Variants in ARHGAP15 observed in about 807,000 individuals in gnomAD.
ARHGAP15 encodes rho GTPase-activating protein 15.
Under a neutral mutation model 63.7 loss-of-function variants are expected in ARHGAP15, and 51 were observed. The observed-to-expected ratio is 0.80, with a 90% CI of 0.64 to 1.01. The LOEUF is 1.01. Ranked by LOEUF, ARHGAP15 falls within the 50% of genes least tolerant of loss-of-function variation. The pLI, the probability that ARHGAP15 is intolerant of heterozygous loss-of-function variation, is 0.00. For missense variants in ARHGAP15, 560 were observed against 564.6 expected, an observed-to-expected ratio of 0.99 and a Z score of 0.08; for synonymous variants, 191 against 193.8, an observed-to-expected ratio of 0.99 and a Z score of 0.12.
At chr2:143,441,656 A>G (rs1393600697) in intron 8 of ARHGAP15, among the ~76,000 whole-genome samples, 2 of 152,296 alleles carry the variant, frequency 1.3e-5, no homozygotes, top group Admixed American at 6.5e-5. Context: ...TCAATTGCTA[A>G]ACTGTAAAAT....
At chr2:143,347,166 C>T (rs1046859813) in intron 6 of ARHGAP15, among the ~76,000 whole-genome samples, 6 of 152,188 alleles carry the variant, frequency 3.9e-5, no homozygotes, top group South Asian at 4.1e-4. Context: ...TGCTAATTTC[C>T]ATAATTATGC....
Position 143,309,933 on chromosome 2 carries a change from A to T in ARHGAP15, c.474+59333A>T, listed in dbSNP as rs1336749591. Among the ~76,000 whole-genome samples the T allele has an allele frequency of 3.3e-5, 5 of 151,794 alleles. No homozygotes were observed. In the East Asian group the frequency reaches 9.7e-4, roughly 29 times the overall value. ...TGATGATAGATAATAGCTTTGTTGCATATTATTTGCTTTTATTGTACTTTG... is the reference window on the plus strand; with the variant it reads ...TGATGATAGATAATAGCTTTGTTGCTTATTATTTGCTTTTATTGTACTTTG... On this transcript the variant is annotated intron_variant, in intron 6 of 13. Coordinates refer to ENST00000295095, the MANE Select transcript of ARHGAP15 (RefSeq NM_018460.4).
chr2:143,243,330 G>C (rs1448836880), intron 5 of ARHGAP15, among the ~76,000 whole-genome samples: 1 of 152,128 alleles, frequency 6.6e-6, no homozygotes, highest in Non-Finnish European at 1.5e-5. Flanking sequence ...AAAATCAGAA[G>C]TGCAAGAGAC....
intron 2 of ARHGAP15, among the ~76,000 whole-genome samples, chr2:143,175,196 G>A (rs1369799380): frequency 6.6e-6 from 1 of 152,060 alleles, no homozygotes. Flanking sequence ...CTAAACCAAT[G>A]AACTGAGAGT....
chr2:143,656,389 C>T (rs1681434352), intron 12 of ARHGAP15, among the ~76,000 whole-genome samples: 1 of 152,194 alleles, frequency 6.6e-6, no homozygotes, highest in Non-Finnish European at 1.5e-5. Context: ...TATCTAAACA[C>T]TTGGGCAGTC....
intron 13 of ARHGAP15, among the ~76,000 whole-genome samples, chr2:143,723,513 A>G (rs1422856924): frequency 6.6e-6 from 1 of 152,208 alleles, no homozygotes; most frequent in Non-Finnish European, 1.5e-5. Flanking sequence ...TATTTTTGAT[A>G]TGAATCTCCA....
rs957065943 is a variant in ARHGAP15, at chr2:143,592,878, G to A, written c.1004-31255G>A. ...TTCTTTTGTGGGGAAAGAACCATTC[G>A]AAGGGAATTGCCTTTGGTTACAAAG... On this transcript the variant is annotated intron_variant, in intron 11 of 13. Transcript: ENST00000295095. Among the ~76,000 whole-genome samples the A allele has an allele frequency of 5.9e-5, 9 of 152,120 alleles. 1 individual carries two copies. Among genetic ancestry groups the A allele is most frequent in the Admixed American group, 2.0e-4 (3 of 15,272 alleles).
At chr2:143,134,735 T>C (rs1319799527) in intron 1 of ARHGAP15, among the ~76,000 whole-genome samples, 3 of 150,818 alleles carry the variant, frequency 2.0e-5, no homozygotes, top group African/African-American at 7.3e-5. Context: ...CCCGGGTTCA[T>C]GCCAGTCTCC....
At chr2:143,223,005 C>T (rs1558823647) in intron 4 of ARHGAP15, among the ~76,000 whole-genome samples, 1 of 152,036 alleles carries the variant, frequency 6.6e-6, no homozygotes, top group Non-Finnish European at 1.5e-5. Flanking sequence ...GAGACTGAGT[C>T]TCGCTCTGTC....
chr2:143,647,681 C>T (rs999702720), intron 12 of ARHGAP15, among the ~76,000 whole-genome samples: 1 of 152,104 alleles, frequency 6.6e-6, no homozygotes, highest in East Asian at 1.9e-4. Context: ...TAATTCTGTA[C>T]TTATTCTGTC....
chr2:143,179,844 A>T (rs2105066517), intron 2 of ARHGAP15, among the ~76,000 whole-genome samples: 1 of 151,496 alleles, frequency 6.6e-6, no homozygotes, highest in East Asian at 1.9e-4. Context: ...GTAAGCCATG[A>T]TTGCACCACT....
intron 12 of ARHGAP15, among the ~76,000 whole-genome samples, chr2:143,688,896 T>A (rs999160646): frequency 6.6e-6 from 1 of 152,142 alleles, no homozygotes; most frequent in Non-Finnish European, 1.5e-5. Flanking sequence ...ATTTGAAAGT[T>A]TTGCCAGAAT....
intron 13 of ARHGAP15, among the ~76,000 whole-genome samples, chr2:143,711,089 G>T (rs1684561119): frequency 6.6e-6 from 1 of 152,106 alleles, no homozygotes; most frequent in African/African-American, 2.4e-5. Flanking sequence ...ACATCTATTT[G>T]TTTATGTTTT....
chr2:143,165,485 G>A (rs2105031844), intron 2 of ARHGAP15, among the ~76,000 whole-genome samples: 1 of 152,096 alleles, frequency 6.6e-6, no homozygotes, highest in South Asian at 2.1e-4. Flanking sequence ...AGGAAGACAG[G>A]AAAACAAAGT....
intron 12 of ARHGAP15, among the ~76,000 whole-genome samples, chr2:143,651,060 A>G (rs1681138400): frequency 6.6e-6 from 1 of 152,008 alleles, no homozygotes; most frequent in Non-Finnish European, 1.5e-5. Flanking sequence ...ATCAGCAGAA[A>G]AAGTCCACTG....
Position 143,480,136 on chromosome 2 carries a change from G to A in ARHGAP15, c.704-7237G>A, listed in dbSNP as rs138231673. 1.5e-3 allele frequency among the ~76,000 whole-genome samples: 235 copies of A among 152,136 alleles called. 1 individual carries two copies. Among genetic ancestry groups the A allele is most frequent in the African/African-American group, 5.1e-3 (212 of 41,516 alleles). On this transcript the variant is annotated intron_variant, in intron 8 of 13. Transcript: ENST00000295095. ...TGTAGATACACCTAAGATGTATTAC[G>A]AGCAAAATAAAAATACTAAGTCTAT...
chr2:143,689,453 A>C (rs529545611), intron 12 of ARHGAP15, among the ~76,000 whole-genome samples: 101 of 152,288 alleles, frequency 6.6e-4, no homozygotes, highest in African/African-American at 2.4e-3. Flanking sequence ...GAGTTCTTTC[A>C]TAGGTCAAAC....
intron 6 of ARHGAP15, among the ~76,000 whole-genome samples, chr2:143,346,980 C>G (rs545279738): frequency 1.7e-4 from 26 of 152,016 alleles, no homozygotes; most frequent in Non-Finnish European, 2.8e-4. Context: ...ATTCTATTAT[C>G]CCTTTGGTCT....
rs1278952036 is a variant in ARHGAP15 at position 143,180,590 on chromosome 2, GA to G, written c.166-21542del. On this transcript the variant is annotated intron_variant, in intron 2 of 13. Transcript: ENST00000295095. ...CATCTAGAATGGTAAATCCTTTTTA[GA>G]AGGTTTTCAAATTACTTCGTCCAGA... Among the ~76,000 whole-genome samples, 81 of 152,328 alleles carry G rather than the reference GA, an allele frequency of 5.3e-4. 1 individual carries two copies. The highest frequency in any genetic ancestry group is 1.9e-3 in the African/African-American group (79 of 41,576).
Sources: allele counts gnomAD v4.1 joint callset (sites outside exome capture counted in the v4.1 genomes callset), GRCh38; gene constraint gnomAD v4.1.1; transcripts MANE v1.5; gene names NCBI Gene and HGNC (gene_info 2026-07-23, HGNC 2026-07-21).